INSL6: variants seen among roughly 807,000 people sequenced by gnomAD.
INSL6 encodes the protein insulin-like peptide INSL6.
In INSL6, 16 loss-of-function variants were observed where a neutral mutation model predicts 9.4. The observed-to-expected ratio is 1.70, with a 90% CI of 1.15 to 2.59. The LOEUF (loss-of-function observed/expected upper bound fraction) is 2.59. Among genes scored for constraint, INSL6 ranks in the 30% most tolerant of loss-of-function variants. The pLI is 0.00. For synonymous variants in INSL6, 154 were observed against 96.9 expected, an observed-to-expected ratio of 1.59 and a Z score of -3.46; for missense variants, 391 against 257.3, an observed-to-expected ratio of 1.52 and a Z score of -3.56.
At chr9:5,135,399 A>G (rs1211128575) in intron 2 of INSL6, among the ~76,000 whole-genome samples, 1 of 152,190 alleles carries the variant, frequency 6.6e-6, no homozygotes, top group Non-Finnish European at 1.5e-5. Context: ...AGCAAATGCA[A>G]AAGAACAGAA....
rs80068421 is a variant in INSL6 at position 5,182,960 on chromosome 9, A to G, written c.289+2354T>C. 4.8e-3 allele frequency among the ~76,000 whole-genome samples: 729 copies of G among 152,344 alleles called. 4 individuals are homozygous for G. The highest frequency in any genetic ancestry group is 0.015 in the African/African-American group (630 of 41,586). On this transcript the variant is annotated intron_variant, in intron 1 of 1. Transcript: ENST00000381641. The stretch of plus-strand genomic sequence containing the variant: ...AAAAAGCATTTTTTAATAGCAGCGT[A>G]GCAAATTATATTTTTCTGTGTCAGA...
the INSL6 span, chr9:5,112,870 G>A: frequency 1.3e-5 from 6 of 447,024 alleles, no homozygotes; most frequent in African/African-American, 7.9e-5. Context: ...TCCGTGGGAC[G>A]AGCCACCCGC....
the INSL6 span, among the ~76,000 whole-genome samples, chr9:4,992,165 T>G: frequency 6.6e-6 from 1 of 152,120 alleles, no homozygotes; most frequent in Non-Finnish European, 1.5e-5. Context: ...TTCACTCACA[T>G]GATGGGTAGT....
At chr9:5,020,388 T>G in the INSL6 span, among the ~76,000 whole-genome samples, 1 of 152,028 alleles carries the variant, frequency 6.6e-6, no homozygotes, top group South Asian at 2.1e-4. Flanking sequence ...CTGGGCAGGG[T>G]GAGAGTATCC....
At chr9:5,131,613 A>G (rs1206533287) in intron 3 of INSL6, among the ~76,000 whole-genome samples, 1 of 151,348 alleles carries the variant, frequency 6.6e-6, no homozygotes, top group Non-Finnish European at 1.5e-5. Context: ...AATTTTTTGT[A>G]TTTACTAGTA....
At chr9:5,178,799 T>G (rs1825378333) in intron 1 of INSL6, among the ~76,000 whole-genome samples, 1 of 152,178 alleles carries the variant, frequency 6.6e-6, no homozygotes, top group Non-Finnish European at 1.5e-5. Flanking sequence ...CTGGAAGAAT[T>G]GGCTAGCTGT....
chr9:5,041,342 A>T, the INSL6 span: 4 of 658,832 alleles, frequency 6.1e-6, no homozygotes, highest in Non-Finnish European at 8.2e-6. Context: ...CTTGACAGGT[A>T]CGGCGTGCTA....
chr9:5,122,376 G>C (rs1252937648), downstream of INSL6, among the ~76,000 whole-genome samples: 1 of 151,974 alleles, frequency 6.6e-6, no homozygotes, highest in African/African-American at 2.4e-5. Flanking sequence ...TGGTTAACAG[G>C]TTCTTTCTTT....
the INSL6 span, among the ~76,000 whole-genome samples, chr9:5,082,278 G>T: frequency 6.6e-6 from 1 of 152,124 alleles, no homozygotes; most frequent in Non-Finnish European, 1.5e-5. Flanking sequence ...GTGGGGAGAA[G>T]GTCAGCAAGA....
At chr9:5,150,100 G>T (rs1824681905) in intron 2 of INSL6, among the ~76,000 whole-genome samples, 1 of 152,120 alleles carries the variant, frequency 6.6e-6, no homozygotes, top group South Asian at 2.1e-4. Flanking sequence ...ATTAACTCAA[G>T]ATAAATTAAA....
chr9:5,021,855 A>G, the INSL6 span: 1 of 626,748 alleles, frequency 1.6e-6, no homozygotes, highest in Non-Finnish European at 2.8e-6. Flanking sequence ...CTTGTCTCCA[A>G]CTTCTGGGCT....
the INSL6 span, among the ~76,000 whole-genome samples, chr9:5,048,759 A>C: frequency 6.6e-6 from 1 of 152,216 alleles, no homozygotes; most frequent in Non-Finnish European, 1.5e-5. Flanking sequence ...TAATAAAATT[A>C]GTTTAAAAAG....
chr9:5,098,867 T>G, the INSL6 span: 1 of 152,190 alleles, frequency 6.6e-6, no homozygotes, highest in African/African-American at 2.4e-5. Flanking sequence ...GTAATTTTTT[T>G]GTATTTTTAG....
the INSL6 span, among the ~76,000 whole-genome samples, chr9:5,032,056 C>T: frequency 6.6e-6 from 1 of 152,222 alleles, no homozygotes; most frequent in Non-Finnish European, 1.5e-5. Flanking sequence ...GGGTCACTCC[C>T]ACTCTAATAC....
chr9:5,114,529 G>C, the INSL6 span: 4 of 467,980 alleles, frequency 8.5e-6, no homozygotes, highest in African/African-American at 4.0e-5. Flanking sequence ...GAAGAGCCGA[G>C]GAACCAGGAC....
the INSL6 span, chr9:5,112,486 A>G: frequency 1.8e-6 from 1 of 552,222 alleles, no homozygotes; most frequent in Non-Finnish European, 3.3e-6. Context: ...CAGCCCAGAC[A>G]AGGACGAGGA....
chr9:5,054,276 C>G, the INSL6 span, among the ~76,000 whole-genome samples: 22 of 151,934 alleles, frequency 1.4e-4, no homozygotes, highest in Admixed American at 5.3e-4. This position sits in a 1 kb window ranked among gnomAD's most constrained non-coding sequence, Gnocchi z 4.9. Context: ...TTTAGAGATT[C>G]TTATTAACTA....
the INSL6 span, chr9:5,080,423 C>G: frequency 4.2e-5 from 65 of 1,531,990 alleles, no homozygotes; most frequent in Admixed American, 9.1e-4. Context: ...TATCTCTGAA[C>G]TTTCATATTT....
intron 2 of INSL6, among the ~76,000 whole-genome samples, chr9:5,149,706 T>C (rs1564041946): frequency 1.8e-3 from 2 of 1,118 alleles, no homozygotes; most frequent in African/African-American, 0.018. Context: ...AATAGCAATG[T>C]CATTTTTTCA....
Sources: gnomAD v4.1 joint callset for allele counts (sites outside exome capture counted in the v4.1 genomes callset) on GRCh38, gnomAD v4.1.1 for gene constraint, Gnocchi (gnomAD v3.1) non-coding constraint, MANE v1.5 for transcripts, NCBI Gene and HGNC (gene_info 2026-07-23, HGNC 2026-07-21) for gene names.